Variants in ZNF232 observed in about 807,000 individuals in gnomAD.
The protein encoded by ZNF232 is zinc finger and SCAN domain-containing protein 11.
Under a neutral mutation model 25.2 loss-of-function variants are expected in ZNF232, and 25 were observed. That is an observed-to-expected ratio of 0.99 (90% CI 0.72 to 1.39). The LOEUF is 1.39. Among genes scored for constraint, ZNF232 ranks in the 40% most tolerant of loss-of-function variants. The pLI is 0.00. For synonymous variants in ZNF232, 193 were observed against 182.9 expected, an observed-to-expected ratio of 1.06 and a Z score of -0.45; for missense variants, 519 against 520.9, an observed-to-expected ratio of 1.00 and a Z score of 0.04.
chr17:5,111,972 G>A, upstream of ZNF232: 2 of 1,189,908 alleles, frequency 1.7e-6, no homozygotes, highest in Non-Finnish European at 1.2e-6. Flanking sequence ...CGTGGGCGCT[G>A]CCGAGAGGCT....
intron 1 of ZNF232, among the ~76,000 whole-genome samples, chr17:5,122,572 G>A (rs938325210): frequency 3.3e-5 from 5 of 152,234 alleles, no homozygotes; most frequent in African/African-American, 9.6e-5. Context: ...CCCAGCCCTG[G>A]GCCCCCTCCC....
At chr17:5,114,388 T>C (rs975333163), upstream of ZNF232, 1 of 152,366 alleles carries the variant, frequency 6.6e-6, no homozygotes, top group Non-Finnish European at 1.5e-5. Context: ...TACAAGTCTT[T>C]GAACATTCAT....
chr17:5,115,265 CAG>C (rs565629764), upstream of ZNF232, among the ~76,000 whole-genome samples: 145 of 152,114 alleles, frequency 9.5e-4, no homozygotes, highest in African/African-American at 2.8e-3. Context: ...AAACAAGGAA[CAG>C]AGGGCCGGAT....
chr17:5,117,578 A>C (rs534231561), intron 1 of ZNF232, among the ~76,000 whole-genome samples: 1 of 152,088 alleles, frequency 6.6e-6, no homozygotes, highest in Non-Finnish European at 1.5e-5. Context: ...GGGTCGCATC[A>C]GAATATATAT....
intron 3 of ZNF232, among the ~76,000 whole-genome samples, chr17:5,107,185 G>A (rs768062979): frequency 1.1e-4 from 16 of 151,690 alleles, no homozygotes; most frequent in Non-Finnish European, 1.3e-4. Context: ...TCAGGAGATC[G>A]AGACCATCCT....
chr17:5,108,707 T>C, intron 3 of ZNF232: 1 of 575,624 alleles, frequency 1.7e-6, no homozygotes, highest in Non-Finnish European at 2.8e-6. Context: ...AAGTTGAGCT[T>C]AATCCTCAGA....
chr17:5,106,571 A>T (rs371679621), intron 3 of ZNF232, 38 bp from the exon 4 acceptor site: 1 of 1,505,898 alleles, frequency 6.6e-7, no homozygotes, highest in South Asian at 1.3e-5. Context: ...ATTAAAATGT[A>T]TATTTCTGGA....
intron 3 of ZNF232, chr17:5,108,663 G>A (rs1018936105): frequency 1.1e-5 from 4 of 369,716 alleles, no homozygotes; most frequent in Non-Finnish European, 2.0e-5. Context: ...AAAGTTAAGA[G>A]ATGCTGGCCA....
At chr17:5,109,195 C>T (rs2072333275) in intron 2 of ZNF232, 143 bp from the exon 3 acceptor site, 3 of 1,322,120 alleles carry the variant, frequency 2.3e-6, no homozygotes, top group Admixed American at 4.1e-5. Context: ...TCAGAGTCAG[C>T]ACAAGGGAAG....
exon 1 of ZNF232, chr17:5,111,815 G>C: frequency 6.2e-7 from 1 of 1,613,858 alleles, no homozygotes. Context: ...AGGACCAGGA[G>C]GTTCCATCGG....
exon 2 of ZNF232, chr17:5,109,658 G>A: frequency 1.2e-6 from 2 of 1,614,184 alleles, no homozygotes; most frequent in Non-Finnish European, 1.7e-6. Flanking sequence ...AGCGTTGGCG[G>A]AAGATCTCTT....
chr17:5,110,456 A>G (rs2072375390), intron 1 of ZNF232, among the ~76,000 whole-genome samples: 1 of 152,210 alleles, frequency 6.6e-6, no homozygotes, highest in South Asian at 2.1e-4. Flanking sequence ...AGAAATGACT[A>G]TTGGAAGAAA....
exon 3 of ZNF232, chr17:5,108,927 A>C (rs2072326771): frequency 6.2e-7 from 1 of 1,612,812 alleles, no homozygotes; most frequent in East Asian, 2.2e-5. Context: ...GCTCCTCACC[A>C]CTCTTTGGGA....
At chr17:5,106,501 TAAC>T (rs763500741) in exon 4 of ZNF232, 2 of 1,611,568 alleles carry the variant, frequency 1.2e-6, no homozygotes, top group Admixed American at 3.4e-5. Flanking sequence ...CCATCTTCTG[TAAC>T]AACTGACAGA....
chr17:5,108,126 G>A (rs778313724), intron 3 of ZNF232, among the ~76,000 whole-genome samples: 5 of 152,024 alleles, frequency 3.3e-5, no homozygotes, highest in Non-Finnish European at 5.9e-5. Context: ...TTGTAACTAA[G>A]AAGAATTTGA....
upstream of ZNF232, chr17:5,111,879 G>A (rs1426763978): frequency 1.9e-6 from 3 of 1,607,326 alleles, no homozygotes; most frequent in African/African-American, 4.0e-5. Context: ...GCAGGTTTGC[G>A]CCTGCGCAGG....
chr17:5,111,425 C>A (rs1340311104), intron 1 of ZNF232: 1 of 336,628 alleles, frequency 3.0e-6, no homozygotes, highest in East Asian at 5.4e-5. Flanking sequence ...AGGAAAAACG[C>A]GGAGCTCGCG....
chr17:5,109,751 C>G, exon 2 of ZNF232: 1 of 1,614,226 alleles, frequency 6.2e-7, no homozygotes, highest in Non-Finnish European at 8.5e-7. Flanking sequence ...TCATCATCTT[C>G]TCTTGTCCCT....
intron 2 of ZNF232, 121 bp downstream of exon 2, chr17:5,109,273 C>T (rs1345271936): frequency 7.7e-7 from 1 of 1,298,990 alleles, no homozygotes. Flanking sequence ...GAAACACATA[C>T]TAACTGCTCT....
Sources: gnomAD v4.1 joint callset for allele counts (sites outside exome capture counted in the v4.1 genomes callset) on GRCh38, gnomAD v4.1.1 for gene constraint, MANE v1.5 for transcripts, NCBI Gene and HGNC (gene_info 2026-07-23, HGNC 2026-07-21) for gene names.